Variants in SLC44A3 observed in about 807,000 individuals in gnomAD.
SLC44A3 encodes the protein solute carrier family 44 member 3.
SLC44A3 carries 74 observed loss-of-function variants against 75.4 expected under a neutral mutation model. The observed-to-expected ratio is 0.98, with a 90% confidence interval of 0.81 to 1.19. The LOEUF is 1.19. Ranked by LOEUF, SLC44A3 falls within the 50% of genes most tolerant of loss-of-function variation. The pLI is 0.00. For synonymous variants in SLC44A3, 310 were observed against 296.9 expected, an observed-to-expected ratio of 1.04 and a Z score of -0.45; for missense variants, 700 against 778.6, an observed-to-expected ratio of 0.90 and a Z score of 1.20.
Position 94,837,731 on chromosome 1 carries a change from A to T in SLC44A3, c.530A>T (p.Asn177Ile), listed in dbSNP as rs1486467491. ...VPPSKSFPLFNRCVPQTPECY... is the reference protein window; with the variant it reads ...VPPSKSFPLFIRCVPQTPECY... ...TTTAGCAAGTCATTTCCCTTATTTA[A>T]CCGATGTGTCCCTCAAACACCTGAG... The change falls in exon 6 of 15, where the codon AAC becomes ATC. Residue 177 changes from asparagine (N) to isoleucine (I), a missense_variant. By Grantham distance (149) the Asn-to-Ile change is moderately radical (BLOSUM62 -3). Transcript: ENST00000271227. 10 of 1,581,490 alleles carry T rather than the reference A, an allele frequency of 6.3e-6. No individual in the cohort carries two copies. Among genetic ancestry groups the T allele is most frequent in the Non-Finnish European group, 8.6e-6 (10 of 1,167,208 alleles).
chr1:94,845,470 G>C lies in SLC44A3; in HGVS notation c.1072+6G>C. ...GCTGAGCCTGGGAACTGCAGGTAAG[G>C]GACAGTGGGTGTGGGTTCCATCACC... is the stretch of plus-strand genomic sequence containing the variant. On this transcript the variant is annotated splice_donor_region_variant and intron_variant, in intron 9 of 14. Transcript: ENST00000271227. 1.9e-6 allele frequency: 3 copies of C among 1,604,164 alleles called. No homozygotes were observed. The highest frequency in any genetic ancestry group is 2.7e-5 in the African/African-American group (2 of 74,786).
chr1:94,827,422 G>A (rs1661517158), intron 3 of SLC44A3, 85 bp from the exon 4 acceptor site: 1 of 1,525,224 alleles, frequency 6.6e-7, no homozygotes, highest in Admixed American at 1.7e-5. Context: ...GCATTTGATA[G>A]CATGTGGATA....
rs192766621 is a variant in SLC44A3, at chr1:94,824,593, T to A, written c.236T>A (p.Val79Glu). 1.9e-5 allele frequency: 30 copies of A among 1,609,846 alleles called. No homozygotes were observed. The East Asian group carries it at 6.5e-4, about 35-fold the overall frequency. The change falls in exon 3 of 15, where the codon GTG (valine) becomes GAG (glutamate). Residue 79 changes from valine (V) to glutamate (E), a missense_variant. By Grantham distance (121) the Val-to-Glu change is moderately radical. Transcript: ENST00000271227. ...ATGTGTGGCAAGAAGAACTCCCCCG[T>A]GGAAGGGGCCCCTCTTTCAGGGCAG... Reference protein sequence around the residue: ...GNMCGKKNSPVEGAPLSGQDM... With the variant: ...GNMCGKKNSPEEGAPLSGQDM...
chr1:94,880,063 G>C (rs1430606438), intron 12 of SLC44A3, among the ~76,000 whole-genome samples: 1 of 152,196 alleles, frequency 6.6e-6, no homozygotes, highest in African/African-American at 2.4e-5. Context: ...TCTGTGCACT[G>C]TTGGTGGAAA....
At chr1:94,888,709 A>C (rs1370898444) in intron 12 of SLC44A3, 1 of 978,846 alleles carries the variant, frequency 1.0e-6, no homozygotes, top group Non-Finnish European at 1.2e-6. Context: ...ATGGTGCCCT[A>C]TCAGGGATAT....
chr1:94,869,066 G>A (rs570290964), intron 12 of SLC44A3, among the ~76,000 whole-genome samples: 4 of 152,368 alleles, frequency 2.6e-5, no homozygotes, highest in African/African-American at 7.2e-5. Flanking sequence ...GTGTGGGAGT[G>A]TACTGAAGGT....
At chr1:94,824,021 C>T (rs1475275060) in intron 2 of SLC44A3, among the ~76,000 whole-genome samples, 1 of 151,358 alleles carries the variant, frequency 6.6e-6, no homozygotes, top group African/African-American at 2.4e-5. Flanking sequence ...AACAGTGTTT[C>T]AGTACATATC....
At position 94,868,195 on chromosome 1, in the gene SLC44A3, C is replaced by G. The variant is rs186223562; in HGVS notation, c.1482+778C>G. ...GAGCATTTAGGAGATTTTAATAGTC[C>G]TTAGTCAAATTTACACAAAGCAGTA... is the stretch of plus-strand genomic sequence containing the variant. On this transcript the variant is annotated intron_variant, in intron 12 of 14. Transcript: ENST00000271227. Among the ~76,000 whole-genome samples the G allele has an allele frequency of 4.4e-4, 67 of 151,828 alleles. 2 individuals are homozygous for G. The highest frequency in any genetic ancestry group is 3.6e-3 in the Admixed American group (55 of 15,242).
chr1:94,854,480 ACC>A (rs1665603499), intron 9 of SLC44A3, among the ~76,000 whole-genome samples: 1 of 152,138 alleles, frequency 6.6e-6, no homozygotes, highest in African/African-American at 2.4e-5. Flanking sequence ...CCCATTAGCT[ACC>A]CATGATAGTA....
chr1:94,866,350 T>C (rs1667166687), intron 11 of SLC44A3, among the ~76,000 whole-genome samples: 1 of 152,194 alleles, frequency 6.6e-6, no homozygotes, highest in Non-Finnish European at 1.5e-5. Flanking sequence ...AAGGTCTCTC[T>C]GACTGAGGTC....
chr1:94,823,432 G>A (rs899986465), intron 2 of SLC44A3, among the ~76,000 whole-genome samples: 5 of 152,290 alleles, frequency 3.3e-5, no homozygotes, highest in Admixed American at 6.5e-5. Flanking sequence ...GAGTGGGAAA[G>A]GACAGGGAGC....
At chr1:94,821,760 T>C (rs1246352329) in intron 2 of SLC44A3, among the ~76,000 whole-genome samples, 1 of 152,222 alleles carries the variant, frequency 6.6e-6, no homozygotes, top group African/African-American at 2.4e-5. Flanking sequence ...AGGCATGCTA[T>C]TTGCTGCATG....
intron 11 of SLC44A3, among the ~76,000 whole-genome samples, chr1:94,866,269 T>C (rs3849305): frequency 0.23 from 35,422 of 152,000 alleles, 4,257 homozygotes; most frequent in African/African-American, 0.29. Context: ...AGCTAGGCAT[T>C]TTAAACTCTC....
At chr1:94,877,765 A>C (rs978816918) in intron 12 of SLC44A3, among the ~76,000 whole-genome samples, 1 of 152,224 alleles carries the variant, frequency 6.6e-6, no homozygotes, top group African/African-American at 2.4e-5. Context: ...TGCCTTCTAC[A>C]GAATGCCTCA....
chr1:94,821,949 G>C (rs1340855362), intron 2 of SLC44A3, among the ~76,000 whole-genome samples: 18 of 152,308 alleles, frequency 1.2e-4, no homozygotes, highest in Non-Finnish European at 5.9e-5. Context: ...ACAGTGGAAG[G>C]TTAGGTCTGA....
intron 12 of SLC44A3, among the ~76,000 whole-genome samples, chr1:94,875,764 A>T (rs1285338929): frequency 6.6e-6 from 1 of 152,186 alleles, no homozygotes; most frequent in Non-Finnish European, 1.5e-5. Flanking sequence ...AAGGTCAGCT[A>T]ATCCAAGGAG....
chr1:94,861,074 CAATT>C (rs2101351861), intron 10 of SLC44A3, among the ~76,000 whole-genome samples: 1 of 151,928 alleles, frequency 6.6e-6, no homozygotes, highest in Admixed American at 6.6e-5. Context: ...AAATGTGAAA[CAATT>C]AACTTCAGAA....
chr1:94,821,171 C>T (rs1215702011), intron 2 of SLC44A3, 115 bp downstream of exon 2: 2 of 795,374 alleles, frequency 2.5e-6, no homozygotes, highest in South Asian at 2.0e-5. Context: ...CTGCCGTTAA[C>T]CCACAATAAA....
intron 5 of SLC44A3, among the ~76,000 whole-genome samples, chr1:94,834,941 G>A (rs1475836803): frequency 2.0e-5 from 3 of 152,198 alleles, no homozygotes; most frequent in African/African-American, 7.2e-5. Flanking sequence ...TTAACTAGGT[G>A]ATCAAGGTCA....
Sources: gnomAD v4.1 joint callset for allele counts (sites outside exome capture counted in the v4.1 genomes callset) on GRCh38, gnomAD v4.1.1 for gene constraint, MANE v1.5 for transcripts, NCBI Gene and HGNC (gene_info 2026-07-23, HGNC 2026-07-21) for gene names.